The following OTOF variants were observed in gnomAD, a reference collection of about 807,000 sequenced individuals.
OTOF encodes otoferlin.
Under a neutral mutation model 236.8 loss-of-function variants are expected in OTOF, and 218 were observed. The ratio of observed to expected loss-of-function variants is 0.92; its 90% CI spans 0.82 to 1.03. OTOF has a LOEUF of 1.03. Ranked by LOEUF, OTOF falls within the 50% of genes least tolerant of loss-of-function variation. The pLI is 0.00. For missense variants in OTOF, 2,590 were observed against 2,694.4 expected, an observed-to-expected ratio of 0.96 and a Z score of 0.86; for synonymous variants, 1,041 against 1,072.5, an observed-to-expected ratio of 0.97 and a Z score of 0.57.
At chr2:26,463,315 G>A in intron 41 of OTOF, among the ~76,000 whole-genome samples, 168 bp downstream of exon 41, 1 of 152,250 alleles carries the variant, frequency 6.6e-6, no homozygotes, top group Admixed American at 6.5e-5. Context: ...TCTATCGATT[G>A]GTTGGTCAGT....
chr2:26,501,641 G>T, intron 8 of OTOF, 113 bp downstream of exon 8: 4 of 771,886 alleles, frequency 5.2e-6, no homozygotes, highest in East Asian at 5.2e-5. Context: ...TCAGCTTGTT[G>T]TTCTCTATGA....
intron 5 of OTOF, among the ~76,000 whole-genome samples, chr2:26,504,719 T>TC (rs34684959): frequency 0.33 from 50,563 of 152,024 alleles, 9,206 homozygotes; most frequent in South Asian, 0.4. Context: ...AGCCTGTGGT[T>TC]CCTGGCACCA....
At chr2:26,490,119 C>T (rs1484115310) in intron 9 of OTOF, among the ~76,000 whole-genome samples, 1 of 152,250 alleles carries the variant, frequency 6.6e-6, no homozygotes, top group Non-Finnish European at 1.5e-5. Flanking sequence ...AACACATTCT[C>T]TGAACCTCAG....
At chr2:26,555,358 A>G (rs1396322615) in intron 1 of OTOF, among the ~76,000 whole-genome samples, 1 of 152,144 alleles carries the variant, frequency 6.6e-6, no homozygotes, top group East Asian at 1.9e-4. Context: ...TGTCTGACCC[A>G]ATGGGATTGT....
intron 11 of OTOF, among the ~76,000 whole-genome samples, chr2:26,488,523 G>A (rs912155165): frequency 3.9e-5 from 6 of 152,208 alleles, no homozygotes; most frequent in African/African-American, 1.2e-4. Context: ...CCTACAGGAC[G>A]CCACGGAGCA....
At position 26,477,396 on chromosome 2, in the gene OTOF, C is replaced by T; in HGVS notation, c.2406+20G>A. 1.3e-6 allele frequency: 2 copies of T among 1,572,984 alleles called. No homozygotes were observed. The highest frequency in any genetic ancestry group is 1.7e-6 in the Non-Finnish European group (2 of 1,159,090). On this transcript the variant is annotated intron_variant, in intron 20 of 46. Transcript: ENST00000272371. The surrounding 1 kb of genome is among the most constrained non-coding windows in gnomAD (Gnocchi z 4.7). ...AACCAGGCCCTCCCTCCAGCCCCCG[C>T]CGTCCAGTTGCGTCCTCACCAGCTC...
At position 26,476,299 on chromosome 2, in the gene OTOF, A is replaced by C. The variant is rs1665264418; in HGVS notation, c.2695T>G (p.Phe899Val). Residue 899 changes from phenylalanine to valine, a missense_variant, in exon 23 of 47, where the codon TTC becomes GTC. Physicochemically the swap from Phe to Val is conservative, Grantham distance 50 (BLOSUM62 -1). Around this residue, in one of 2 missense-constraint regions of OTOF, gnomAD observed 1,379 missense variants for 1,341.6 expected, o/e 1.03. Coordinates refer to ENST00000272371, the MANE Select transcript of OTOF (RefSeq NM_194248.3). ...LFLKLPGKRG[F>V]GSAGWTVQAK... ...TGCACTGTCCAGCCTGCCGAGCCGA[A>C]GCCCCGCTTCCCTGGCAGCTGGGGG... is the stretch of plus-strand genomic sequence containing the variant. 1 of 1,604,740 alleles carries C rather than the reference A, an allele frequency of 6.2e-7. No homozygotes were observed. The highest frequency in any genetic ancestry group is 1.7e-5 in the Admixed American group (1 of 59,984).
At position 26,470,695 on chromosome 2, in the gene OTOF, C is replaced by T. The variant is rs1483845943; in HGVS notation, c.3921G>A (p.Lys1307=). The T allele has an allele frequency of 6.2e-7, 1 of 1,613,898 alleles. No individual in the cohort carries two copies. Among genetic ancestry groups the T allele is most frequent in the South Asian group, 1.1e-5 (1 of 91,080 alleles). Residue 1307 remains lysine, a synonymous_variant, in exon 32 of 47, where the codon AAG becomes AAA. Coordinates refer to ENST00000272371, the MANE Select transcript of OTOF (RefSeq NM_194248.3). This position sits in a 1 kb window ranked among gnomAD's most constrained non-coding sequence, Gnocchi z 4.3. ...GCTCCTCCGCAGTGCCCTTCTTCTT[C>T]TTCTTCTTCTCCTTCTCCTCCTCAG... ...DVAEEEKEKK[K]KKKGTAEEPE...
chr2:26,527,882 A>G lies in OTOF; in HGVS notation c.177T>C (p.Asn59=), dbSNP rs1382647316. 5 of 1,614,008 alleles carry G rather than the reference A, an allele frequency of 3.1e-6. No homozygotes were observed. The highest frequency in any genetic ancestry group is 4.2e-6 in the Non-Finnish European group (5 of 1,179,960). Residue 59 remains asparagine (N), a synonymous_variant, in exon 3 of 47, where the codon AAT becomes AAC. Transcript: ENST00000272371. ...RWPVASSIDR[N]EMLEIQVFNY... is the part of the protein sequence containing the mutation. ...TGAAAACCTGAATCTCCAGCATCTCATTTCTGTCGATGCTGCTGGCCACCG... is the reference window on the plus strand; with the variant it reads ...TGAAAACCTGAATCTCCAGCATCTCGTTTCTGTCGATGCTGCTGGCCACCG...
chr2:26,530,358 C>T (rs371001530), intron 2 of OTOF, among the ~76,000 whole-genome samples: 28 of 151,834 alleles, frequency 1.8e-4, no homozygotes, highest in African/African-American at 5.6e-4. Flanking sequence ...AGGGGGCTTC[C>T]GGGGCCCCTG....
Position 26,465,849 on chromosome 2 carries a change from G to C in OTOF, c.4629-7C>G. On this transcript the variant is annotated splice_region_variant and splice_polypyrimidine_tract_variant and intron_variant, in intron 37 of 46. Coordinates refer to ENST00000272371, the MANE Select transcript of OTOF (RefSeq NM_194248.3). ...GGCCTCGATGTCAAAGGACCTGGTG[G>C]GGTGGAGTTAGGAGAAGGGCTTAAG... 1 of 1,614,238 alleles carries C rather than the reference G, an allele frequency of 6.2e-7. No homozygotes were observed. The highest frequency in any genetic ancestry group is 8.5e-7 in the Non-Finnish European group (1 of 1,180,042).
Position 26,470,490 on chromosome 2 carries a change from AATG to A in OTOF, c.4023+100_4023+102del. On this transcript the variant is annotated intron_variant, in intron 32 of 46. Coordinates refer to ENST00000272371, the MANE Select transcript of OTOF (RefSeq NM_194248.3). This position sits in a 1 kb window ranked among gnomAD's most constrained non-coding sequence, Gnocchi z 4.3. ...GACAAAACCATCCCAAACTCACATG[AATG>A]GAGTTGGGATCCAGCTCTTGGGGGC... 5.3e-6 allele frequency: 6 copies of A among 1,133,130 alleles called. No homozygotes were observed. The highest frequency in any genetic ancestry group is 6.7e-6 in the Non-Finnish European group (5 of 745,782). The allele number at this position is 1,133,130 out of a possible 1,614,324, so 70.2% of individuals were successfully genotyped here.
rs141235641 is a variant in OTOF at position 26,460,718 on chromosome 2, C to T, written c.5742G>A (p.Leu1914=). The change falls in exon 45 of 47, where the codon CTG becomes CTA. Residue 1914 remains leucine, a synonymous_variant. Coordinates refer to ENST00000272371, the MANE Select transcript of OTOF (RefSeq NM_194248.3). This position sits in a 1 kb window ranked among gnomAD's most constrained non-coding sequence, Gnocchi z 5.3. ...GGTTCTTCTCTGCCTCCTCTGCTGT[C>T]AGTAAATGCAGCTCAGCCTCCACCT... ...TGKVEAELHL[L]TAEEAEKNPV... 1.8e-3 allele frequency: 2,951 copies of T among 1,614,062 alleles called. 5 individuals carry two copies. Among genetic ancestry groups the T allele is most frequent in the Non-Finnish European group, 2.1e-3 (2,503 of 1,179,990 alleles).
In OTOF at chr2:26,477,778, G is replaced by T. The variant is rs1397704449; in HGVS notation, c.2215-29C>A. On this transcript the variant is annotated intron_variant, in intron 18 of 46. Coordinates refer to ENST00000272371, the MANE Select transcript of OTOF (RefSeq NM_194248.3). This position sits in a 1 kb window ranked among gnomAD's most constrained non-coding sequence, Gnocchi z 4.7. ...TGAATCAGGAGTGTGGGTGATGCTG[G>T]GCCACAGCCCCGCCTCCCCAGCCTC... The T allele has an allele frequency of 6.2e-7, 1 of 1,611,476 alleles. No individual in the cohort carries two copies. Among genetic ancestry groups the T allele is most frequent in the African/African-American group, 1.3e-5 (1 of 74,878 alleles).
chr2:26,477,548 A>G lies in OTOF; in HGVS notation c.2316-42T>C. On this transcript the variant is annotated intron_variant, in intron 19 of 46. Coordinates refer to ENST00000272371, the MANE Select transcript of OTOF (RefSeq NM_194248.3). The surrounding 1 kb of genome is among the most constrained non-coding windows in gnomAD (Gnocchi z 4.7). The stretch of plus-strand genomic sequence containing the variant: ...CCGGGGTTTAGCGAGCCTGACCAGC[A>G]GGGGCTCTGTAGATTCTTCCTCATC... The G allele has an allele frequency of 2.5e-6, 4 of 1,594,300 alleles. No individual in the cohort carries two copies. Among genetic ancestry groups the G allele is most frequent in the East Asian group, 2.3e-5 (1 of 44,252 alleles).
At chr2:26,543,129 A>G (rs1165999948) in intron 1 of OTOF, among the ~76,000 whole-genome samples, 1 of 151,954 alleles carries the variant, frequency 6.6e-6, no homozygotes, top group East Asian at 1.9e-4. Flanking sequence ...CTCTTCCTCT[A>G]CAGCGACTCT....
intron 18 of OTOF, chr2:26,478,038 C>G: frequency 6.9e-7 from 1 of 1,439,400 alleles, no homozygotes; most frequent in East Asian, 2.5e-5. Flanking sequence ...GGGCAGAACT[C>G]ACGGCTACGG....
At position 26,473,540 on chromosome 2, in the gene OTOF, T is replaced by C; in HGVS notation, c.3436A>G (p.Lys1146Glu). ...EVLFWGLRDLKRVNLAQVDRP... is the reference protein window; with the variant it reads ...EVLFWGLRDLERVNLAQVDRP... ...TCCACCTGGGCCAGGTTCACCCGCT[T>C]TAGGTCCCGTAGGCCCCAGAACAGC... is the stretch of plus-strand genomic sequence containing the variant. Residue 1146 changes from lysine (K) to glutamate (E), a missense_variant, in exon 28 of 47, where the codon AAG (lysine) becomes GAG (glutamate). Physicochemically the swap from Lys to Glu is moderately conservative, Grantham distance 56. Transcript: ENST00000272371. This position sits in a 1 kb window ranked among gnomAD's most constrained non-coding sequence, Gnocchi z 7.2. 1 of 1,610,504 alleles carries C rather than the reference T, an allele frequency of 6.2e-7. No individual in the cohort carries two copies. Among genetic ancestry groups the C allele is most frequent in the Non-Finnish European group, 8.5e-7 (1 of 1,179,462 alleles).
Position 26,481,033 on chromosome 2 carries a change from A to AG in OTOF, c.1580-25dup, listed in dbSNP as rs771380405. On this transcript the variant is annotated intron_variant, in intron 14 of 46. Coordinates refer to ENST00000272371, the MANE Select transcript of OTOF (RefSeq NM_194248.3). ...GCCTGTGGCAGTGGGAACAAAAATGAGGGGGCAGCGTCACATCCAGTTTCC... is the reference window on the plus strand; with the variant it reads ...GCCTGTGGCAGTGGGAACAAAAATGAGGGGGGCAGCGTCACATCCAGTTTCC... 1.9e-6 allele frequency: 3 copies of AG among 1,571,020 alleles called. No individual in the cohort carries two copies. The African/African-American group carries it at 4.0e-5, about 21-fold the overall frequency.
Sources: gnomAD v4.1 joint callset for allele counts (sites outside exome capture counted in the v4.1 genomes callset) on GRCh38, gnomAD v4.1.1 for gene constraint, gnomAD v4.1.1 regional missense constraint, Gnocchi (gnomAD v3.1) non-coding constraint, MANE v1.5 for transcripts, NCBI Gene and HGNC (gene_info 2026-07-23, HGNC 2026-07-21) for gene names.